Variants in PABPC4L observed in about 807,000 individuals in gnomAD.
PABPC4L encodes polyadenylate-binding protein 4-like.
For missense variants in PABPC4L, 452 were observed against 451.4 expected (o/e 1.00, Z -0.01); for synonymous variants, 169 against 164.1 (o/e 1.03, Z -0.23).
chr4:134,139,282 C>G, the PABPC4L span, among the ~76,000 whole-genome samples: 1 of 151,900 alleles, frequency 6.6e-6, no homozygotes, highest in Non-Finnish European at 1.5e-5. Flanking sequence ...AATAGAATTT[C>G]CAAGCAGCCA....
chr4:134,127,873 G>T, the PABPC4L span, among the ~76,000 whole-genome samples: 26 of 152,056 alleles, frequency 1.7e-4, no homozygotes, highest in African/African-American at 6.0e-4. Context: ...CCAGAGAAAG[G>T]TAAAGTCCAA....
the PABPC4L span, among the ~76,000 whole-genome samples, chr4:134,008,901 T>C: frequency 6.6e-6 from 1 of 151,850 alleles, no homozygotes; most frequent in South Asian, 2.1e-4. Context: ...GAACATAAAA[T>C]AAAAGGTGAG....
chr4:134,020,466 G>A, the PABPC4L span, among the ~76,000 whole-genome samples: 6 of 152,060 alleles, frequency 3.9e-5, no homozygotes, highest in Non-Finnish European at 7.4e-5. Context: ...CCAGGTCTGA[G>A]TCTGTTTAGT....
At chr4:134,159,926 T>C in the PABPC4L span, among the ~76,000 whole-genome samples, 1 of 152,076 alleles carries the variant, frequency 6.6e-6, no homozygotes, top group African/African-American at 2.4e-5. Context: ...AACTTGAGTA[T>C]AAACTCCGAC....
At chr4:134,151,435 A>G in the PABPC4L span, among the ~76,000 whole-genome samples, 2 of 152,054 alleles carry the variant, frequency 1.3e-5, no homozygotes, top group Non-Finnish European at 2.9e-5. Context: ...ATCATATTAT[A>G]ATGTCTTAAG....
At chr4:134,195,955 A>T (rs918884377), downstream of PABPC4L, among the ~76,000 whole-genome samples, 1 of 151,036 alleles carries the variant, frequency 6.6e-6, no homozygotes, top group Admixed American at 6.6e-5. Flanking sequence ...TAGATTTTTT[A>T]AAATTATATT....
the PABPC4L span, among the ~76,000 whole-genome samples, chr4:134,098,563 T>C: frequency 1.1e-4 from 17 of 151,746 alleles, no homozygotes; most frequent in African/African-American, 4.1e-4. Context: ...GAATTCCAAA[T>C]GGAATTGTCA....
At chr4:134,095,856 G>T in the PABPC4L span, among the ~76,000 whole-genome samples, 2 of 151,900 alleles carry the variant, frequency 1.3e-5, no homozygotes, top group African/African-American at 4.8e-5. Context: ...CAAACTTCAT[G>T]CAGGACTTTG....
the PABPC4L span, among the ~76,000 whole-genome samples, chr4:134,140,881 A>T: frequency 6.6e-6 from 1 of 151,688 alleles, no homozygotes; most frequent in Non-Finnish European, 1.5e-5. Flanking sequence ...TAGGGAAAAA[A>T]AATGTAGATT....
At chr4:134,181,164 A>T in the PABPC4L span, among the ~76,000 whole-genome samples, 1 of 152,018 alleles carries the variant, frequency 6.6e-6, no homozygotes, top group Non-Finnish European at 1.5e-5. Context: ...TCAAAAAGTT[A>T]ATCCACAAGG....
At chr4:133,971,662 T>C in the PABPC4L span, among the ~76,000 whole-genome samples, 1 of 152,218 alleles carries the variant, frequency 6.6e-6, no homozygotes, top group Non-Finnish European at 1.5e-5. Context: ...CATGATTTAA[T>C]GTTTTGCCAC....
the PABPC4L span, among the ~76,000 whole-genome samples, chr4:134,116,167 A>C: frequency 6.6e-6 from 1 of 151,826 alleles, no homozygotes; most frequent in South Asian, 2.1e-4. Context: ...CATCATTTCC[A>C]CATGGCATGA....
chr4:133,993,857 C>A, the PABPC4L span, among the ~76,000 whole-genome samples: 2 of 151,826 alleles, frequency 1.3e-5, no homozygotes, highest in Non-Finnish European at 2.9e-5. Flanking sequence ...ATGTGTAGAT[C>A]TAGCAGTTGC....
chr4:133,974,646 A>G, the PABPC4L span, among the ~76,000 whole-genome samples: 1 of 152,116 alleles, frequency 6.6e-6, no homozygotes, highest in African/African-American at 2.4e-5. Flanking sequence ...TTGAATACAG[A>G]CTATAAATAA....
chr4:134,066,114 C>T, the PABPC4L span, among the ~76,000 whole-genome samples: 6 of 151,782 alleles, frequency 4.0e-5, no homozygotes, highest in Non-Finnish European at 7.4e-5. Flanking sequence ...GTATGAATTA[C>T]GAAATAGTTG....
At chr4:134,065,947 G>A in the PABPC4L span, among the ~76,000 whole-genome samples, 3 of 151,986 alleles carry the variant, frequency 2.0e-5, no homozygotes, top group African/African-American at 7.2e-5. Flanking sequence ...CTTCCGGGAT[G>A]TCTACTCTGT....
At chr4:134,034,651 G>A in the PABPC4L span, among the ~76,000 whole-genome samples, 1 of 151,962 alleles carries the variant, frequency 6.6e-6, no homozygotes, top group South Asian at 2.1e-4. Context: ...GACCAGTGGA[G>A]GAAGTAAGTG....
chr4:134,031,322 A>T, the PABPC4L span, among the ~76,000 whole-genome samples: 17 of 152,086 alleles, frequency 1.1e-4, no homozygotes, highest in Non-Finnish European at 2.2e-4. Flanking sequence ...ATCATTGCCA[A>T]CTAAAATAGT....
chr4:134,149,698 A>G, the PABPC4L span, among the ~76,000 whole-genome samples: 1 of 152,312 alleles, frequency 6.6e-6, no homozygotes, highest in East Asian at 1.9e-4. Flanking sequence ...AAGACTAGGC[A>G]AGTCAGGTGT....
Sources: allele counts gnomAD v4.1 joint callset (sites outside exome capture counted in the v4.1 genomes callset), GRCh38; gene constraint gnomAD v4.1.1; transcripts MANE v1.5; gene names NCBI Gene and HGNC (gene_info 2026-07-23, HGNC 2026-07-21).